MEIS2: variants seen among roughly 807,000 people sequenced by gnomAD.
The protein encoded by MEIS2 is Meis homeobox 2, also known as homeobox protein Meis2.
Under a neutral mutation model 58.6 loss-of-function variants are expected in MEIS2, and 9 were observed. The observed-to-expected ratio is 0.15, with a 90% CI of 0.09 to 0.27. MEIS2 has a LOEUF of 0.27. Among genes scored for constraint, MEIS2 ranks in the 10% least tolerant of loss-of-function variants. The pLI, the probability that MEIS2 is intolerant of heterozygous loss-of-function variation, is 1.00. For missense variants in MEIS2, 427 were observed against 635.0 expected, an observed-to-expected ratio of 0.67 and a Z score of 3.52; for synonymous variants, 221 against 228.4, an observed-to-expected ratio of 0.97 and a Z score of 0.29.
At chr15:37,080,182 A>G (rs956659755) in intron 7 of MEIS2, among the ~76,000 whole-genome samples, 18 of 152,130 alleles carry the variant, frequency 1.2e-4, no homozygotes, top group African/African-American at 4.1e-4. Flanking sequence ...TTGAAATACA[A>G]AGTTATCTTT....
At chr15:37,020,894 G>A (rs1309930637) in intron 8 of MEIS2, among the ~76,000 whole-genome samples, 1 of 151,986 alleles carries the variant, frequency 6.6e-6, no homozygotes, top group Non-Finnish European at 1.5e-5. Context: ...CCCAAATTTT[G>A]TGTGTTGAAA....
chr15:36,896,064 T>C (rs1473857781), intron 10 of MEIS2, among the ~76,000 whole-genome samples: 1 of 152,214 alleles, frequency 6.6e-6, no homozygotes, highest in East Asian at 1.9e-4. Flanking sequence ...AAAAACTGTT[T>C]TAGAGAAATT....
Position 36,994,511 on chromosome 15 carries a change from C to T in MEIS2, c.900+42303G>A, listed in dbSNP as rs543920122. ...CAAATTGGTTTTAAATTATTCCTTTCGTAATGGTAAATTTTTATTACAAAC... is the reference window on the plus strand; with the variant it reads ...CAAATTGGTTTTAAATTATTCCTTTTGTAATGGTAAATTTTTATTACAAAC... On this transcript the variant is annotated intron_variant, in intron 8 of 11. Coordinates refer to ENST00000561208, the MANE Select transcript of MEIS2 (RefSeq NM_170675.5). Among the ~76,000 whole-genome samples the T allele has an allele frequency of 9.9e-5, 15 of 152,218 alleles. No individual in the cohort carries two copies. The East Asian group carries it at 1.9e-3, about 20-fold the overall frequency.
rs1001117005 is a variant in MEIS2, at chr15:36,890,321, G to T, written c.*1852C>A. 2 of 152,090 alleles carry T rather than the reference G, an allele frequency of 1.3e-5. No individual in the cohort carries two copies. The highest frequency in any genetic ancestry group is 2.9e-5 in the Non-Finnish European group (2 of 67,994). The allele number at this position is 152,090 out of a possible 1,614,324, so 9.4% of individuals were successfully genotyped here. A position where few individuals can be genotyped will look rare whatever the true frequency, so the allele number is the denominator to read the frequency against. ...TTTGTGCAGTATCAATAAGCTAATG[G>T]TATAGATTTCCAGGAATGTTGCATA... On this transcript the variant is annotated 3_prime_UTR_variant, in exon 12 of 12. Transcript: ENST00000561208.
intron 7 of MEIS2, among the ~76,000 whole-genome samples, chr15:37,050,100 C>G (rs1716150226): frequency 6.6e-6 from 1 of 152,174 alleles, no homozygotes; most frequent in South Asian, 2.1e-4. Context: ...TCTCCACTCT[C>G]AATTCTATTG....
chr15:36,976,275 G>T (rs186407257), intron 8 of MEIS2, among the ~76,000 whole-genome samples: 141 of 151,654 alleles, frequency 9.3e-4, no homozygotes, highest in African/African-American at 3.2e-3. Context: ...TAGTAGAGAC[G>T]GGGTTTCACC....
At chr15:36,976,128 A>G (rs1595853003) in intron 8 of MEIS2, among the ~76,000 whole-genome samples, 1 of 152,258 alleles carries the variant, frequency 6.6e-6, no homozygotes, top group Non-Finnish European at 1.5e-5. Context: ...TCTGTCACCC[A>G]GGCTGGAGTG....
chr15:37,037,043 C>G lies in MEIS2; in HGVS notation c.755-84G>C, dbSNP rs1567211300. The G allele has an allele frequency of 3.0e-6, 4 of 1,327,444 alleles. No individual in the cohort carries two copies. The Admixed American group carries it at 9.9e-5, about 33-fold the overall frequency. 82.2% of individuals were successfully genotyped at this position (1,327,444 alleles called of 1,614,324 possible). The stretch of plus-strand genomic sequence containing the variant: ...GCAGCTAATGATGAGCTCAGCTAAG[C>G]TTGTTGAAAGAAATCCATTAAGCGA... On this transcript the variant is annotated intron_variant, in intron 7 of 11. Coordinates refer to ENST00000561208, the MANE Select transcript of MEIS2 (RefSeq NM_170675.5).
chr15:36,924,983 C>T lies in MEIS2; in HGVS notation c.977+25341G>A, dbSNP rs140662701. Among the ~76,000 whole-genome samples the T allele has an allele frequency of 4.1e-3, 627 of 152,274 alleles. 3 individuals carry two copies. Among genetic ancestry groups the T allele is most frequent in the African/African-American group, 0.011 (457 of 41,546 alleles). ...CCAGAACTGGTGGCCTGAACTACTT[C>T]TTCCTGCGCATCAGCACTGCAAGAC... On this transcript the variant is annotated intron_variant, in intron 9 of 11. Coordinates refer to ENST00000561208, the MANE Select transcript of MEIS2 (RefSeq NM_170675.5).
intron 7 of MEIS2, among the ~76,000 whole-genome samples, chr15:37,052,965 C>T (rs1335220463): frequency 6.6e-6 from 1 of 152,104 alleles, no homozygotes; most frequent in Non-Finnish European, 1.5e-5. Flanking sequence ...CAAGACATAT[C>T]CCCATTCTGC....
At chr15:37,069,481 G>A (rs1349638740) in intron 7 of MEIS2, among the ~76,000 whole-genome samples, 1 of 152,130 alleles carries the variant, frequency 6.6e-6, no homozygotes, top group Non-Finnish European at 1.5e-5. Context: ...TGTACCACAA[G>A]CCTCTTCTTG....
At position 36,889,747 on chromosome 15, in the gene MEIS2, ATAATGG is replaced by A. The variant is rs2055787838; in HGVS notation, c.*2420_*2425del. The A allele has an allele frequency of 6.6e-6, 1 of 152,228 alleles. No homozygotes were observed. Among genetic ancestry groups the A allele is most frequent in the Non-Finnish European group, 1.5e-5 (1 of 68,032 alleles). 9.4% of individuals were successfully genotyped at this position (152,228 alleles called of 1,614,324 possible). A position where few individuals can be genotyped will look rare whatever the true frequency, so the allele number is the denominator to read the frequency against. On this transcript the variant is annotated 3_prime_UTR_variant, in exon 12 of 12. Coordinates refer to ENST00000561208, the MANE Select transcript of MEIS2 (RefSeq NM_170675.5). ...TCCCACCTGATGTGAGAGTTGATTT[ATAATGG>A]GGAATTTTCATAGTTTACATAAAAG...
At chr15:37,036,680 C>A (rs956635654) in intron 8 of MEIS2, 134 bp downstream of exon 8, 4 of 962,238 alleles carry the variant, frequency 4.2e-6, no homozygotes, top group African/African-American at 3.4e-5. Context: ...AAAACTTTAA[C>A]TAGTCTGTTA....
chr15:37,043,977 T>C (rs2062555609), intron 7 of MEIS2, among the ~76,000 whole-genome samples: 1 of 152,170 alleles, frequency 6.6e-6, no homozygotes, highest in Admixed American at 6.5e-5. Flanking sequence ...TGAGCCACTG[T>C]GCCTGGCCCG....
rs72710655 is a variant in MEIS2, at chr15:37,069,459, G to A, written c.754+14312C>T. Among the ~76,000 whole-genome samples the A allele has an allele frequency of 6.0e-3, 910 of 152,308 alleles. 7 individuals carry two copies. Among genetic ancestry groups the A allele is most frequent in the Non-Finnish European group, 9.6e-3 (653 of 68,034 alleles). ...CAACTTTTTCTCATCATATGGCAAA[G>A]ATAGTCTTAACTGTACCACAAGCCT... On this transcript the variant is annotated intron_variant, in intron 7 of 11. Transcript: ENST00000561208.
At chr15:36,982,988 A>G (rs62045770) in intron 8 of MEIS2, among the ~76,000 whole-genome samples, 23,893 of 151,934 alleles carry the variant, frequency 0.16, 1,982 homozygotes, top group South Asian at 0.24. Context: ...CCATTTTTCT[A>G]TTGGGTTATG....
intron 7 of MEIS2, among the ~76,000 whole-genome samples, chr15:37,037,333 G>A (rs1198430538): frequency 6.6e-6 from 1 of 152,186 alleles, no homozygotes; most frequent in African/African-American, 2.4e-5. Flanking sequence ...CAAGTTAAAT[G>A]TTCTGTAGTC....
chr15:36,897,713 A>ACGCATTT (rs1327544125), intron 9 of MEIS2: 1 of 152,194 alleles, frequency 6.6e-6, no homozygotes, highest in Non-Finnish European at 1.5e-5. Context: ...TTCACTGACC[A>ACGCATTT]CGCATTTCGG....
intron 8 of MEIS2, among the ~76,000 whole-genome samples, chr15:37,012,221 T>C (rs1490527236): frequency 6.6e-6 from 1 of 152,188 alleles, no homozygotes; most frequent in Non-Finnish European, 1.5e-5. Context: ...AAAGGAACAT[T>C]GATGGGTACT....
Sources: gnomAD v4.1 joint callset for allele counts (sites outside exome capture counted in the v4.1 genomes callset) on GRCh38, gnomAD v4.1.1 for gene constraint, MANE v1.5 for transcripts, NCBI Gene and HGNC (gene_info 2026-07-23, HGNC 2026-07-21) for gene names.